Variants in FILIP1L observed in about 807,000 individuals in gnomAD.
FILIP1L encodes the protein filamin A-interacting protein 1-like.
Under a neutral mutation model 96.6 loss-of-function variants are expected in FILIP1L, and 55 were observed. That is an observed-to-expected ratio of 0.57 (90% confidence interval 0.46 to 0.71). FILIP1L has a LOEUF of 0.71. Ranked by LOEUF, FILIP1L falls within the 30% of genes least tolerant of loss-of-function variation. FILIP1L has a pLI of 0.00. For missense variants in FILIP1L, 1,304 were observed against 1,321.2 expected, an observed-to-expected ratio of 0.99 and a Z score of 0.20; for synonymous variants, 467 against 473.9, an observed-to-expected ratio of 0.99 and a Z score of 0.19.
chr3:100,074,203 G>A (rs2065809699), intron 1 of FILIP1L, among the ~76,000 whole-genome samples: 1 of 152,162 alleles, frequency 6.6e-6, no homozygotes, highest in South Asian at 2.1e-4. Flanking sequence ...TGGAGTCCGA[G>A]AGCTCTAAAT....
At chr3:99,928,735 A>G (rs1269079343) in intron 3 of FILIP1L, among the ~76,000 whole-genome samples, 2 of 152,334 alleles carry the variant, frequency 1.3e-5, no homozygotes, top group East Asian at 3.9e-4. Context: ...ATTTGAGCTC[A>G]CAGGGGTTGG....
chr3:99,834,945 G>A (rs186809462), intron 5 of FILIP1L, among the ~76,000 whole-genome samples: 19 of 152,278 alleles, frequency 1.2e-4, no homozygotes, highest in African/African-American at 4.3e-4. Flanking sequence ...GAGATATTGT[G>A]TAATAAAGTC....
chr3:100,074,743 G>A (rs2065823170), intron 1 of FILIP1L, among the ~76,000 whole-genome samples: 2 of 106,866 alleles, frequency 1.9e-5, no homozygotes, highest in African/African-American at 3.6e-5. Flanking sequence ...GTCCAGGCTA[G>A]AGTACAATGG....
At chr3:99,939,444 C>T (rs949337591) in intron 1 of FILIP1L, among the ~76,000 whole-genome samples, 2 of 152,196 alleles carry the variant, frequency 1.3e-5, no homozygotes, top group Admixed American at 6.5e-5. Flanking sequence ...TTATTCATTT[C>T]TTACACCACC....
At chr3:99,947,510 C>T (rs141007941) in intron 1 of FILIP1L, among the ~76,000 whole-genome samples, 1 of 152,210 alleles carries the variant, frequency 6.6e-6, no homozygotes, top group African/African-American at 2.4e-5. Context: ...CAGAAGGGAC[C>T]CAGAGCTAAA....
At position 100,078,943 on chromosome 3, in the gene FILIP1L, T is replaced by C. The variant is rs145208491; in HGVS notation, c.-11+35110A>G. Among the ~76,000 whole-genome samples, 565 of 152,132 alleles carry C rather than the reference T, an allele frequency of 3.7e-3. 3 individuals are homozygous for C. The highest frequency in any genetic ancestry group is 0.013 in the African/African-American group (525 of 41,496). On this transcript the variant is annotated intron_variant, in intron 1 of 5. Transcript: ENST00000477258. ...AAATCTCATAATATTTTAAGAAAGT[T>C]CACTAATTTGTGTTGGGCCACATTC... is the stretch of plus-strand genomic sequence containing the variant.
intron 1 of FILIP1L, among the ~76,000 whole-genome samples, chr3:100,026,074 G>A (rs2064915017): frequency 6.6e-6 from 1 of 152,182 alleles, no homozygotes; most frequent in Admixed American, 6.5e-5. Context: ...TGTGAAAGAG[G>A]AGTTTTTTTC....
At chr3:100,035,102 C>T (rs939595929) in intron 1 of FILIP1L, among the ~76,000 whole-genome samples, 9 of 152,112 alleles carry the variant, frequency 5.9e-5, no homozygotes, top group Admixed American at 2.0e-4. Flanking sequence ...AATGTATATT[C>T]GAAATTGTTA....
chr3:100,058,100 G>C (rs554543473), intron 1 of FILIP1L, among the ~76,000 whole-genome samples: 54 of 152,326 alleles, frequency 3.5e-4, no homozygotes, highest in African/African-American at 1.2e-3. Flanking sequence ...TGAGGAAACT[G>C]GCTGGGGAAG....
In FILIP1L at chr3:99,849,778, T is replaced by C; in HGVS notation, c.1898A>G (p.Glu633Gly). 6.2e-7 allele frequency: 1 copy of C among 1,613,766 alleles called. No homozygotes were observed. The highest frequency in any genetic ancestry group is 8.5e-7 in the Non-Finnish European group (1 of 1,180,006). Residue 633 changes from glutamate (E) to glycine (G), a missense_variant, in exon 5 of 6, where the codon GAA becomes GGA. Transcript: ENST00000477258. Reference sequence around the variant, plus strand: ...GTCCTTTAGCTTCAGTTTCAGTCTTTCCACTTCTTGAGAGAGCTCCTTAAT... The same window carrying C: ...GTCCTTTAGCTTCAGTTTCAGTCTTCCCACTTCTTGAGAGAGCTCCTTAAT... The part of the protein sequence containing the change: ...NKIKELSQEV[E>G]RLKLKLKDMK...
rs150764853 is a variant in FILIP1L, at chr3:99,828,963, C to CA, written c.*1450dup. 3.2e-3 allele frequency among the ~76,000 whole-genome samples: 490 copies of CA among 152,158 alleles called. 5 individuals are homozygous for CA. Among genetic ancestry groups the CA allele is most frequent in the Middle Eastern group, 0.01 (3 of 294 alleles). On this transcript the variant is annotated 3_prime_UTR_variant, in exon 6 of 6. Coordinates refer to ENST00000477258, the MANE Select transcript of FILIP1L (RefSeq NM_001387850.1). ...CATCATCCCTCTCAATGCTGCCCAT[C>CA]ATCCCTTTCAATGCTGCCCAGGCCT...
In FILIP1L at chr3:99,924,416, A is replaced by C. The variant is rs761153581; in HGVS notation, c.427-8T>G. 4.3e-6 allele frequency: 7 copies of C among 1,613,182 alleles called. No homozygotes were observed. The highest frequency in any genetic ancestry group is 5.9e-6 in the Non-Finnish European group (7 of 1,179,460). ...TTCCACAACTTTGTCCAACTACGAA[A>C]GAAAACATTTATAGCCTGTTACCAA... On this transcript the variant is annotated splice_polypyrimidine_tract_variant and splice_region_variant and intron_variant, in intron 3 of 5. Coordinates refer to ENST00000477258, the MANE Select transcript of FILIP1L (RefSeq NM_001387850.1).
chr3:99,930,640 ACTTATG>A, intron 2 of FILIP1L, 123 bp downstream of exon 2: 1 of 945,526 alleles, frequency 1.1e-6, no homozygotes, highest in Non-Finnish European at 1.6e-6. Flanking sequence ...TTGTATATAT[ACTTATG>A]CTTTGCTTTC....
At chr3:100,021,475 T>G (rs1468746638) in intron 1 of FILIP1L, among the ~76,000 whole-genome samples, 1 of 151,976 alleles carries the variant, frequency 6.6e-6, no homozygotes, top group Non-Finnish European at 1.5e-5. Context: ...GAAGTCTCCT[T>G]GTAGAGAAAA....
chr3:99,925,746 T>TGCACTTGGGATATCTGCCAAGA, intron 3 of FILIP1L: 3 of 465,154 alleles, frequency 6.4e-6, no homozygotes, highest in Non-Finnish European at 8.5e-6. Context: ...ATATCCCAAG[T>TGCACTTGGGATATCTGCCAAGA]GCACTTGGTG....
At chr3:99,868,641 C>G (rs1194089112) in intron 4 of FILIP1L, among the ~76,000 whole-genome samples, 1 of 152,194 alleles carries the variant, frequency 6.6e-6, no homozygotes, top group Non-Finnish European at 1.5e-5. Context: ...GGTTTTTAAA[C>G]TTACAGTTTG....
At chr3:99,866,371 TC>T (rs1944519091) in intron 4 of FILIP1L, among the ~76,000 whole-genome samples, 1 of 152,142 alleles carries the variant, frequency 6.6e-6, no homozygotes, top group Non-Finnish European at 1.5e-5. Flanking sequence ...ACCAAACGTT[TC>T]CTAACTTGTT....
intron 1 of FILIP1L, among the ~76,000 whole-genome samples, chr3:99,981,739 G>A (rs77832864): frequency 0.024 from 3,676 of 152,232 alleles, 69 homozygotes; most frequent in Middle Eastern, 0.041. Flanking sequence ...TCCAAATTGC[G>A]TGCTATTTTC....
chr3:99,937,126 T>A (rs193221362), intron 1 of FILIP1L, among the ~76,000 whole-genome samples: 1 of 151,862 alleles, frequency 6.6e-6, no homozygotes, highest in Admixed American at 6.6e-5. Flanking sequence ...TTAGTAGAGA[T>A]GGAGTTTCAC....
Sources: allele counts gnomAD v4.1 joint callset (sites outside exome capture counted in the v4.1 genomes callset), GRCh38; gene constraint gnomAD v4.1.1; transcripts MANE v1.5; gene names NCBI Gene and HGNC (gene_info 2026-07-23, HGNC 2026-07-21).